VWF: variants seen among roughly 807,000 people sequenced by gnomAD.
The protein encoded by VWF is von Willebrand factor.
In VWF, 176 loss-of-function variants were observed where a neutral mutation model predicts 308.6. The observed-to-expected ratio is 0.57, with a 90% CI of 0.50 to 0.65. VWF has a LOEUF of 0.65. Ranked by LOEUF, VWF falls within the 30% of genes least tolerant of loss-of-function variation. The pLI is 0.00. For missense variants in VWF, 3,146 were observed against 3,648.2 expected, an observed-to-expected ratio of 0.86 and a Z score of 3.55; for synonymous variants, 1,385 against 1,443.4, an observed-to-expected ratio of 0.96 and a Z score of 0.92.
At chr12:6,094,180 G>C (rs574722208) in intron 6 of VWF, among the ~76,000 whole-genome samples, 1 of 152,310 alleles carries the variant, frequency 6.6e-6, no homozygotes, top group East Asian at 1.9e-4. Flanking sequence ...AACTAAATTT[G>C]GACCTCCAGC....
Position 5,976,272 on chromosome 12 carries a change from A to T in VWF, c.7288-12T>A. 1.9e-6 allele frequency: 3 copies of T among 1,614,096 alleles called. No individual in the cohort carries two copies. The highest frequency in any genetic ancestry group is 1.7e-6 in the Non-Finnish European group (2 of 1,180,024). On this transcript the variant is annotated splice_polypyrimidine_tract_variant and intron_variant, in intron 42 of 51. Coordinates refer to ENST00000261405, the MANE Select transcript of VWF (RefSeq NM_000552.5). ...CGGTGGACACACACCTGTAGACATAAGTTTTCGTGAGTGAACTCATTTGTT... is the reference window on the plus strand; with the variant it reads ...CGGTGGACACACACCTGTAGACATATGTTTTCGTGAGTGAACTCATTTGTT...
intron 50 of VWF, 62 bp from the exon 51 acceptor site, chr12:5,949,945 G>T: frequency 6.8e-7 from 1 of 1,477,592 alleles, no homozygotes; most frequent in Non-Finnish European, 9.4e-7. Context: ...ACACTCTTCA[G>T]CCCCAGTGCC....
rs1409513467 is a variant in VWF at position 6,095,489 on chromosome 12, A to G, written c.628T>C (p.Cys210Arg). 2 of 1,614,006 alleles carry G rather than the reference A, an allele frequency of 1.2e-6. No individual in the cohort carries two copies. Among genetic ancestry groups the G allele is most frequent in the African/African-American group, 1.3e-5 (1 of 74,916 alleles). The change falls in exon 6 of 52, where the codon TGC (cysteine) becomes CGC (arginine). Residue 210 changes from cysteine (C) to arginine (R), a missense_variant. Around this residue, in one of 3 missense-constraint regions of VWF, gnomAD observed 1,304 missense variants for 1,353.0 expected, o/e 0.96. Coordinates refer to ENST00000261405, the MANE Select transcript of VWF (RefSeq NM_000552.5). ...TGCATTTCCCCAGAGGAGATGTTGC[A>G]TGAGCTGCTGGGAGGAGATGCCCGT... Reference protein sequence around the residue: ...CERASPPSSSCNISSGEMQKG... With the variant: ...CERASPPSSSRNISSGEMQKG...
In VWF at chr12:6,018,417, C is replaced by T. The variant is rs575428870; in HGVS notation, c.5001G>A (p.Gln1667=). Residue 1667 remains glutamine (Q), a synonymous_variant, in exon 28 of 52, where the codon CAG becomes CAA. Transcript: ENST00000261405. ...LPREAPDLVL[Q]RCCSGEGLQI... is the part of the protein sequence containing the mutation. ...GCAGCCCCTCTCCGGAGCAGCACCT[C>T]TGCAGCACCAGGTCAGGAGCCTCTC... 2.5e-6 allele frequency: 4 copies of T among 1,612,826 alleles called. No homozygotes were observed. The Admixed American group carries it at 6.7e-5, about 27-fold the overall frequency.
chr12:6,032,067 C>T (rs1157079020), intron 20 of VWF, among the ~76,000 whole-genome samples: 1 of 152,158 alleles, frequency 6.6e-6, no homozygotes, highest in African/African-American at 2.4e-5. Context: ...GGGTCCTGAG[C>T]TACCAAGTCG....
chr12:5,978,601 G>A (rs1943558154), intron 42 of VWF, among the ~76,000 whole-genome samples: 2 of 152,136 alleles, frequency 1.3e-5, no homozygotes, highest in Non-Finnish European at 2.9e-5. Context: ...AGTTAATTAT[G>A]TTAGGAAACC....
intron 15 of VWF, among the ~76,000 whole-genome samples, chr12:6,053,571 C>T (rs1237349101): frequency 6.6e-6 from 1 of 152,162 alleles, no homozygotes; most frequent in Non-Finnish European, 1.5e-5. Context: ...AAAAATACTG[C>T]AAGAGACACA....
chr12:6,054,491 C>T (rs1434928527), intron 15 of VWF, among the ~76,000 whole-genome samples: 1 of 152,158 alleles, frequency 6.6e-6, no homozygotes, highest in African/African-American at 2.4e-5. Flanking sequence ...TGGCTTGGAG[C>T]CTTATTAAAT....
chr12:6,088,490 AAAGC>A (rs1218652439), intron 6 of VWF, among the ~76,000 whole-genome samples: 1 of 145,222 alleles, frequency 6.9e-6, no homozygotes, highest in African/African-American at 2.8e-5. Context: ...AAAAAAAAAA[AAAGC>A]GAGAGAGAGA....
intron 34 of VWF, among the ~76,000 whole-genome samples, chr12:5,998,227 A>G (rs1003163242): frequency 2.0e-5 from 3 of 151,852 alleles, no homozygotes; most frequent in African/African-American, 7.3e-5. Context: ...GGCCGGGCAC[A>G]GTGGCTCATA....
rs189591791 is a variant in VWF at position 6,110,278 on chromosome 12, T to C, written c.532+96A>G. 59 of 1,340,330 alleles carry C rather than the reference T, an allele frequency of 4.4e-5. No homozygotes were observed. The East Asian group carries it at 1.3e-3, about 29-fold the overall frequency. 83.0% of individuals were successfully genotyped at this position (1,340,330 alleles called of 1,614,324 possible). A position where few individuals can be genotyped will look rare whatever the true frequency, so the allele number is the denominator to read the frequency against. On this transcript the variant is annotated intron_variant, in intron 5 of 51. Coordinates refer to ENST00000261405, the MANE Select transcript of VWF (RefSeq NM_000552.5). ...AATTGAGGTGAGGTCACAGTGAGGC[T>C]TGAATGCCAGGGAAGGCATGTTAGT... is the stretch of plus-strand genomic sequence containing the variant.
At chr12:5,982,117 GC>G in intron 41 of VWF, 126 bp from the exon 42 acceptor site, 1 of 839,300 alleles carries the variant, frequency 1.2e-6, no homozygotes, top group Non-Finnish European at 1.9e-6. Flanking sequence ...TGAGGGCCAA[GC>G]TCACGGGCTG....
Position 5,989,711 on chromosome 12 carries a change from G to A in VWF, c.6798+2108C>T, listed in dbSNP as rs543995174. The stretch of plus-strand genomic sequence containing the variant: ...CCAGAAAGGAGAAGCAAAGGATAGG[G>A]GTTTGGAGACACTAAGATAAAGTTC... On this transcript the variant is annotated intron_variant, in intron 38 of 51. Coordinates refer to ENST00000261405, the MANE Select transcript of VWF (RefSeq NM_000552.5). Among the ~76,000 whole-genome samples, 35 of 152,190 alleles carry A rather than the reference G, an allele frequency of 2.3e-4. 1 individual carries two copies. The highest frequency in any genetic ancestry group is 8.4e-4 in the African/African-American group (35 of 41,436).
At chr12:5,952,281 A>T (rs1324915823) in intron 49 of VWF, 110 bp downstream of exon 49, 2 of 1,447,664 alleles carry the variant, frequency 1.4e-6, no homozygotes, top group African/African-American at 1.4e-5. Context: ...TAGGCCAGAG[A>T]TGTGCCTCAG....
intron 42 of VWF, among the ~76,000 whole-genome samples, chr12:5,976,991 T>C (rs925214873): frequency 2.0e-5 from 3 of 152,182 alleles, no homozygotes; most frequent in African/African-American, 7.2e-5. Context: ...CCCTCCAAAG[T>C]TATGCAAAAC....
At chr12:5,971,470 C>T (rs1002143280) in intron 44 of VWF, 129 bp downstream of exon 44, 2 of 769,504 alleles carry the variant, frequency 2.6e-6, no homozygotes, top group South Asian at 3.1e-5. Flanking sequence ...ATCTGGATAA[C>T]ACCAACAGCT....
At chr12:6,120,656 T>C (rs1033169652) in intron 3 of VWF, among the ~76,000 whole-genome samples, 1 of 152,176 alleles carries the variant, frequency 6.6e-6, no homozygotes, top group Non-Finnish European at 1.5e-5. Flanking sequence ...GCAACCTTCA[T>C]GAGCCTTGGT....
At chr12:6,071,065 G>A (rs976519892) in intron 10 of VWF, among the ~76,000 whole-genome samples, 1 of 152,186 alleles carries the variant, frequency 6.6e-6, no homozygotes, top group South Asian at 2.1e-4. Context: ...ACATCTGAAC[G>A]CAGGTGCATT....
intron 21 of VWF, among the ~76,000 whole-genome samples, chr12:6,030,624 T>C (rs11064000): frequency 0.25 from 38,185 of 152,152 alleles, 5,130 homozygotes; most frequent in African/African-American, 0.32. Context: ...CATGGAGTTC[T>C]AGGAGCCACA....
Sources: allele counts gnomAD v4.1 joint callset (sites outside exome capture counted in the v4.1 genomes callset), GRCh38; gene constraint gnomAD v4.1.1; regional missense constraint gnomAD v4.1.1; transcripts MANE v1.5; gene names NCBI Gene and HGNC (gene_info 2026-07-23, HGNC 2026-07-21).